LCMT1: variants seen among roughly 807,000 people sequenced by gnomAD.
LCMT1 encodes the protein leucine carboxyl methyltransferase 1.
In LCMT1, 32 loss-of-function variants were observed where a neutral mutation model predicts 47.7. That is an observed-to-expected ratio of 0.67 (90% CI 0.51 to 0.90). The LOEUF (loss-of-function observed/expected upper bound fraction) is 0.90. Among genes scored for constraint, LCMT1 ranks in the 40% least tolerant of loss-of-function variants. The pLI is 0.00. For missense variants in LCMT1, 375 were observed against 415.2 expected (o/e 0.90, Z 0.84); for synonymous variants, 152 against 149.7 (o/e 1.02, Z -0.11).
intron 7 of LCMT1, among the ~76,000 whole-genome samples, chr16:25,167,996 A>G (rs1281813702): frequency 6.6e-6 from 1 of 151,490 alleles, no homozygotes; most frequent in Non-Finnish European, 1.5e-5. Context: ...ACCTCAAGTG[A>G]TCCGCCCACC....
At chr16:25,148,486 C>CT (rs1349256676) in intron 4 of LCMT1, among the ~76,000 whole-genome samples, 1 of 152,172 alleles carries the variant, frequency 6.6e-6, no homozygotes, top group Non-Finnish European at 1.5e-5. Flanking sequence ...AGATTGTCAA[C>CT]TATTGGGTCT....
At chr16:25,171,384 C>A (rs185135592) in intron 9 of LCMT1, among the ~76,000 whole-genome samples, 51 of 152,062 alleles carry the variant, frequency 3.4e-4, no homozygotes, top group African/African-American at 1.1e-3. Flanking sequence ...TTGTATCCAG[C>A]CTGTGCGACA....
At chr16:25,113,884 C>T (rs746754138) in intron 1 of LCMT1, among the ~76,000 whole-genome samples, 25 of 152,240 alleles carry the variant, frequency 1.6e-4, no homozygotes, top group Non-Finnish European at 3.4e-4. Flanking sequence ...GATCCGCTCG[C>T]CTTGGTCTCC....
intron 3 of LCMT1, among the ~76,000 whole-genome samples, chr16:25,134,489 T>C (rs756488153): frequency 6.6e-6 from 1 of 152,210 alleles, no homozygotes; most frequent in African/African-American, 2.4e-5. Flanking sequence ...AGCATTGTTA[T>C]CTGCCCATTA....
chr16:25,154,884 A>T (rs1003246758), intron 5 of LCMT1, among the ~76,000 whole-genome samples: 1 of 151,988 alleles, frequency 6.6e-6, no homozygotes, highest in Admixed American at 6.6e-5. Context: ...TCATCGGTGA[A>T]TTTTTTACTC....
At chr16:25,166,269 C>CA (rs371727353) in intron 7 of LCMT1, among the ~76,000 whole-genome samples, 27,598 of 95,954 alleles carry the variant, frequency 0.29, 3,107 homozygotes, top group East Asian at 0.41. Flanking sequence ...GACGCCATCT[C>CA]AAAAAAAAAA....
chr16:25,169,286 G>A, intron 8 of LCMT1, 73 bp downstream of exon 8: 1 of 1,048,374 alleles, frequency 9.5e-7, no homozygotes. Flanking sequence ...TTTCTTTGCA[G>A]ATGTGATCAT....
At chr16:25,138,323 T>G (rs756814655) in intron 3 of LCMT1, among the ~76,000 whole-genome samples, 2 of 152,030 alleles carry the variant, frequency 1.3e-5, no homozygotes, top group African/African-American at 2.4e-5. Context: ...GCTGGGACAG[T>G]CTGGGCTGGA....
chr16:25,145,916 C>T (rs373700389), intron 4 of LCMT1: 1 of 152,394 alleles, frequency 6.6e-6, no homozygotes, highest in Non-Finnish European at 1.5e-5. Flanking sequence ...TTTTGGGTCT[C>T]AAGTTCCTGT....
chr16:25,112,213 G>A (rs554724306), intron 1 of LCMT1, among the ~76,000 whole-genome samples: 1 of 152,350 alleles, frequency 6.6e-6, no homozygotes, highest in South Asian at 2.1e-4. Flanking sequence ...GGGCCAGCCT[G>A]GGTATCGTCG....
At chr16:25,138,231 C>T (rs556010826) in intron 3 of LCMT1, among the ~76,000 whole-genome samples, 14 of 152,210 alleles carry the variant, frequency 9.2e-5, no homozygotes, top group South Asian at 4.2e-4. Flanking sequence ...TGAGTTTTAG[C>T]AGTGTGCAGA....
At chr16:25,119,947 T>G (rs1465193602) in intron 1 of LCMT1, among the ~76,000 whole-genome samples, 2 of 151,988 alleles carry the variant, frequency 1.3e-5, no homozygotes, top group African/African-American at 4.8e-5. Flanking sequence ...GATCATGAAG[T>G]CAGGAGATGG....
In LCMT1 at chr16:25,116,859, G is replaced by A. The variant is rs758393114; in HGVS notation, c.113+4863G>A. Among the ~76,000 whole-genome samples, 9 of 151,902 alleles carry A rather than the reference G, an allele frequency of 5.9e-5. 1 individual carries two copies. Among genetic ancestry groups the A allele is most frequent in the Non-Finnish European group, 1.2e-4 (8 of 68,000 alleles). ...TGAGCTGAGATTGTGCCACTGCACTGCAGCCTGAGTGACAAAATGAGATCC... is the reference window on the plus strand; with the variant it reads ...TGAGCTGAGATTGTGCCACTGCACTACAGCCTGAGTGACAAAATGAGATCC... On this transcript the variant is annotated intron_variant, in intron 1 of 10. Coordinates refer to ENST00000399069, the MANE Select transcript of LCMT1 (RefSeq NM_016309.3).
chr16:25,114,404 G>A (rs572841786), intron 1 of LCMT1, among the ~76,000 whole-genome samples: 1 of 152,274 alleles, frequency 6.6e-6, no homozygotes, highest in African/African-American at 2.4e-5. Flanking sequence ...TCATCATTGT[G>A]ATCCTGGACT....
intron 5 of LCMT1, among the ~76,000 whole-genome samples, chr16:25,153,836 C>T (rs530304996): frequency 4.8e-4 from 73 of 151,916 alleles, no homozygotes; most frequent in Non-Finnish European, 8.1e-4. Context: ...GCCTGTAATC[C>T]CAGCTATTTG....
At chr16:25,143,566 G>A in intron 4 of LCMT1, 1 of 152,138 alleles carries the variant, frequency 6.6e-6, no homozygotes, top group East Asian at 1.9e-4. Context: ...GACCCGTCCA[G>A]TAAAAGTATC....
At chr16:25,168,005 C>T (rs186299461) in intron 7 of LCMT1, among the ~76,000 whole-genome samples, 1 of 151,886 alleles carries the variant, frequency 6.6e-6, no homozygotes, top group Non-Finnish European at 1.5e-5. Flanking sequence ...GATCCGCCCA[C>T]CTCGGCCTCC....
chr16:25,135,301 A>G (rs949054319), intron 3 of LCMT1, among the ~76,000 whole-genome samples: 1 of 150,670 alleles, frequency 6.6e-6, no homozygotes, highest in African/African-American at 2.4e-5. Flanking sequence ...ATCTATATAT[A>G]TATATATAAC....
chr16:25,114,383 T>C (rs2141619364), intron 1 of LCMT1, among the ~76,000 whole-genome samples: 1 of 152,312 alleles, frequency 6.6e-6, no homozygotes, highest in African/African-American at 2.4e-5. Flanking sequence ...CTCATTGTCA[T>C]CAAATCATTA....
Sources: allele counts gnomAD v4.1 joint callset (sites outside exome capture counted in the v4.1 genomes callset), GRCh38; gene constraint gnomAD v4.1.1; transcripts MANE v1.5; gene names NCBI Gene and HGNC (gene_info 2026-07-23, HGNC 2026-07-21).